The following MPV17L2 variants were observed in gnomAD, a reference collection of about 807,000 sequenced individuals.
MPV17L2 encodes the protein mpv17-like protein 2.
Under a neutral mutation model 24.2 loss-of-function variants are expected in MPV17L2, and 25 were observed. The observed-to-expected ratio is 1.03, with a 90% CI of 0.75 to 1.44. MPV17L2 has a LOEUF of 1.44. Ranked by LOEUF, MPV17L2 falls within the 40% of genes most tolerant of loss-of-function variation. The pLI is 0.00. For synonymous variants in MPV17L2, 130 were observed against 121.4 expected, an observed-to-expected ratio of 1.07 and a Z score of -0.46; for missense variants, 271 against 276.2, an observed-to-expected ratio of 0.98 and a Z score of 0.13.
chr19:18,193,886 C>T lies in MPV17L2; in HGVS notation c.210C>T (p.Cys70=). 1 of 1,614,152 alleles carries T rather than the reference C, an allele frequency of 6.2e-7. No homozygotes were observed. Among genetic ancestry groups the T allele is most frequent in the Non-Finnish European group, 8.5e-7 (1 of 1,180,016 alleles). ...TAGCGAGCATGTTTGCGGTGGGCTG[C>T]AGCATGGGTCCCTTCCTGCACTACT... ...RRSASMFAVG[C]SMGPFLHYWY... is the part of the protein sequence containing the mutation. The change falls in exon 2 of 5, where the codon TGC becomes TGT. Residue 70 remains cysteine, a synonymous_variant. Coordinates refer to ENST00000599612, the MANE Select transcript of MPV17L2 (RefSeq NM_032683.3).
chr19:18,195,880 C>G, intron 4 of MPV17L2, 119 bp from the exon 5 acceptor site: 1 of 931,194 alleles, frequency 1.1e-6, no homozygotes, highest in Non-Finnish European at 1.7e-6. Context: ...TCTGATGTGA[C>G]CTCAGCCCGG....
At chr19:18,193,723 G>A in intron 1 of MPV17L2, 141 bp from the exon 2 acceptor site, 2 of 1,472,856 alleles carry the variant, frequency 1.4e-6, no homozygotes, top group South Asian at 1.4e-5. Context: ...GAATGCACGG[G>A]TGGGCTCTTC....
chr19:18,195,478 G>A (rs1284962219), intron 4 of MPV17L2, among the ~76,000 whole-genome samples: 1 of 151,888 alleles, frequency 6.6e-6, no homozygotes, highest in Non-Finnish European at 1.5e-5. Context: ...AGAGGCTGCA[G>A]TGAGCCAAGA....
Position 18,194,958 on chromosome 19 carries a change from G to GC in MPV17L2, c.437dup (p.Asp147ArgfsTer193), listed in dbSNP as rs1288033761. Reference sequence around the variant, plus strand: ...CCTCATCCCCCGCCTCTCCCCGCAGGCAGACTGGTGCGTGTGGCCTGCTGC... The same window carrying GC: ...CCTCATCCCCCGCCTCTCCCCGCAGGCCAGACTGGTGCGTGTGGCCTGCTGC... On this transcript the variant is annotated frameshift_variant and splice_region_variant, in exon 4 of 5. Transcript: ENST00000599612. LOFTEE classifies it high-confidence loss of function. 1.1e-5 allele frequency: 18 copies of GC among 1,612,160 alleles called. No individual in the cohort carries two copies. Among genetic ancestry groups the GC allele is most frequent in the Non-Finnish European group, 1.4e-5 (17 of 1,178,878 alleles).
In MPV17L2 at chr19:18,196,563, ACTCT is replaced by A; in HGVS notation, c.*513_*516del. Reference sequence around the variant, plus strand: ...TCCTGAACTGTGGAAATGCCATTAAACTCTCTCTATAATGTAACTGAAACTGCTG... The same window carrying A: ...TCCTGAACTGTGGAAATGCCATTAAACTCTATAATGTAACTGAAACTGCTG... On this transcript the variant is annotated 3_prime_UTR_variant, in exon 5 of 5. Coordinates refer to ENST00000599612, the MANE Select transcript of MPV17L2 (RefSeq NM_032683.3). 1 of 663,866 alleles carries A rather than the reference ACTCT, an allele frequency of 1.5e-6. No individual in the cohort carries two copies. The highest frequency in any genetic ancestry group is 1.8e-5 in the South Asian group (1 of 55,338). The allele number at this position is 663,866 out of a possible 1,614,324, so 41.1% of individuals were successfully genotyped here. A position where few individuals can be genotyped will look rare whatever the true frequency, so the allele number is the denominator to read the frequency against.
chr19:18,196,127 G>T lies in MPV17L2; in HGVS notation c.*72G>T. On this transcript the variant is annotated 3_prime_UTR_variant, in exon 5 of 5. Coordinates refer to ENST00000599612, the MANE Select transcript of MPV17L2 (RefSeq NM_032683.3). Reference sequence around the variant, plus strand: ...ACCCCCTCTGACAGAAGGGGAATGGGCTCCTGCAGCAAGCTCGGGTCTTGA... The same window carrying T: ...ACCCCCTCTGACAGAAGGGGAATGGTCTCCTGCAGCAAGCTCGGGTCTTGA... 6.2e-7 allele frequency: 1 copy of T among 1,610,654 alleles called. No homozygotes were observed. Among genetic ancestry groups the T allele is most frequent in the Middle Eastern group, 1.7e-4 (1 of 6,056 alleles).
Position 18,195,059 on chromosome 19 carries a change from C to T in MPV17L2, c.537C>T (p.Asp179=). The T allele has an allele frequency of 6.2e-7, 1 of 1,614,180 alleles. No homozygotes were observed. Among genetic ancestry groups the T allele is most frequent in the Non-Finnish European group, 8.5e-7 (1 of 1,180,032 alleles). The change falls in exon 4 of 5, where the codon GAC becomes GAT. Residue 179 remains aspartate, a synonymous_variant. Coordinates refer to ENST00000599612, the MANE Select transcript of MPV17L2 (RefSeq NM_032683.3). ...TYINGLTLGW[D]TYLSYLKYRS... ...TCAACGGCCTGACGCTGGGCTGGGA[C>T]ACGTACCTGTCCTACTTGAAGTACC...
At chr19:18,195,203 C>A in intron 4 of MPV17L2, 117 bp downstream of exon 4, 1 of 1,470,400 alleles carries the variant, frequency 6.8e-7, no homozygotes, top group Non-Finnish European at 9.1e-7. Context: ...GTGCTCCTGA[C>A]AACCCACACC....
rs765640001 is a variant in MPV17L2 at position 18,195,068 on chromosome 19, G to C, written c.546G>C (p.Leu182=). 6.2e-7 allele frequency: 1 copy of C among 1,614,142 alleles called. No individual in the cohort carries two copies. The highest frequency in any genetic ancestry group is 1.1e-5 in the South Asian group (1 of 91,080). ...TGACGCTGGGCTGGGACACGTACCTGTCCTACTTGAAGTACCGGGTGAGTG... is the reference window on the plus strand; with the variant it reads ...TGACGCTGGGCTGGGACACGTACCTCTCCTACTTGAAGTACCGGGTGAGTG... ...NGLTLGWDTY[L]SYLKYRSPVP... Residue 182 remains leucine (L), a synonymous_variant, in exon 4 of 5, where the codon CTG becomes CTC. Coordinates refer to ENST00000599612, the MANE Select transcript of MPV17L2 (RefSeq NM_032683.3).
At chr19:18,194,919 G>A (rs1247126917) in intron 3 of MPV17L2, 39 bp from the exon 4 acceptor site, 1 of 1,219,208 alleles carries the variant, frequency 8.2e-7, no homozygotes, top group South Asian at 1.2e-5. Flanking sequence ...CCCCCGCCCA[G>A]CTCTGGCCCC....
rs566108531 is a variant in MPV17L2, at chr19:18,195,139, G to A, written c.564+53G>A. 3.2e-5 allele frequency: 51 copies of A among 1,578,644 alleles called. No individual in the cohort carries two copies. In the African/African-American group the frequency reaches 5.7e-4, roughly 18 times the overall value. Reference sequence around the variant, plus strand: ...CAGGGGACTCCCCAGGGGGCTACACGTGTGAGCTCCAAGTGGCAGTGTAGC... The same window carrying A: ...CAGGGGACTCCCCAGGGGGCTACACATGTGAGCTCCAAGTGGCAGTGTAGC... On this transcript the variant is annotated intron_variant, in intron 4 of 4. Coordinates refer to ENST00000599612, the MANE Select transcript of MPV17L2 (RefSeq NM_032683.3).
At chr19:18,194,311 G>A (rs1254552604) in intron 2 of MPV17L2, among the ~76,000 whole-genome samples, 1 of 152,196 alleles carries the variant, frequency 6.6e-6, no homozygotes, top group Non-Finnish European at 1.5e-5. Context: ...GAGACATGAA[G>A]AGGGAACCAG....
chr19:18,195,966 C>A, intron 4 of MPV17L2, 33 bp from the exon 5 acceptor site: 1 of 1,578,446 alleles, frequency 6.3e-7, no homozygotes, highest in Non-Finnish European at 8.6e-7. Flanking sequence ...ATGAGCCAGG[C>A]TTCTGACCAG....
At chr19:18,194,667 G>T (rs1255941861) in intron 2 of MPV17L2, 110 bp from the exon 3 acceptor site, 3 of 902,956 alleles carry the variant, frequency 3.3e-6, no homozygotes, top group Admixed American at 2.4e-5. Flanking sequence ...CGGGGTGGGC[G>T]GCGTGGGCTC....
At chr19:18,193,795 G>T (rs896601575) in intron 1 of MPV17L2, 69 bp from the exon 2 acceptor site, 9 of 1,583,528 alleles carry the variant, frequency 5.7e-6, no homozygotes, top group Non-Finnish European at 7.7e-6. Flanking sequence ...CCTTAGCCAG[G>T]GAGGGAGAGA....
intron 3 of MPV17L2, 50 bp from the exon 4 acceptor site, chr19:18,194,908 G>T (rs1600021394): frequency 1.4e-6 from 2 of 1,420,054 alleles, no homozygotes; most frequent in East Asian, 2.4e-5. Context: ...TGGCCGCTCC[G>T]CCCCCGCCCA....
At position 18,193,367 on chromosome 19, in the gene MPV17L2, A is replaced by C. The variant is rs1298400108; in HGVS notation, c.86A>C (p.Asn29Thr). The change falls in exon 1 of 5, where the codon AAC becomes ACC. Residue 29 changes from asparagine (N) to threonine (T), a missense_variant. Transcript: ENST00000599612. ...CAGGGCCGCGCGCTGCTCGTCACTAACACGCTGGGCTGCGGCGCGCTCATG... is the reference window on the plus strand; with the variant it reads ...CAGGGCCGCGCGCTGCTCGTCACTACCACGCTGGGCTGCGGCGCGCTCATG... ...LFQGRALLVT[N>T]TLGCGALMAA... 1.3e-5 allele frequency: 21 copies of C among 1,569,736 alleles called. No individual in the cohort carries two copies. Among genetic ancestry groups the C allele is most frequent in the Admixed American group, 5.4e-5 (3 of 55,930 alleles).
chr19:18,193,583 G>A, intron 1 of MPV17L2, 115 bp downstream of exon 1: 1 of 1,405,224 alleles, frequency 7.1e-7, no homozygotes, highest in Non-Finnish European at 9.3e-7. Context: ...CCCTTGCCCT[G>A]ACCGCGCCTC....
chr19:18,193,331 A>G lies in MPV17L2; in HGVS notation c.50A>G (p.Gln17Arg). ...CTACGCCGCCTGTTATCCGCGGGGC[A>G]GCTTCTATTCCAGGGCCGCGCGCTG... ...RRLRRLLSAGQLLFQGRALLV... is the reference protein window; with the variant it reads ...RRLRRLLSAGRLLFQGRALLV... The change falls in exon 1 of 5, where the codon CAG (glutamine) becomes CGG (arginine). Residue 17 changes from glutamine (Q) to arginine (R), a missense_variant. Gln to Arg is a conservative substitution (Grantham distance 43). Coordinates refer to ENST00000599612, the MANE Select transcript of MPV17L2 (RefSeq NM_032683.3). 1 of 1,561,240 alleles carries G rather than the reference A, an allele frequency of 6.4e-7. No homozygotes were observed. The highest frequency in any genetic ancestry group is 8.6e-7 in the Non-Finnish European group (1 of 1,159,796).
Sources: allele counts gnomAD v4.1 joint callset (sites outside exome capture counted in the v4.1 genomes callset), GRCh38; gene constraint gnomAD v4.1.1; transcripts MANE v1.5; gene names NCBI Gene and HGNC (gene_info 2026-07-23, HGNC 2026-07-21).